NTRK2: variants seen among roughly 807,000 people sequenced by gnomAD.
The protein encoded by NTRK2 is BDNF/NT-3 growth factors receptor.
A neutral mutation model predicts 94.5 loss-of-function variants in NTRK2; 13 were observed. The ratio of observed to expected loss-of-function variants is 0.14; its 90% confidence interval spans 0.09 to 0.22. NTRK2 has a LOEUF of 0.22. Ranked by LOEUF, NTRK2 falls within the 10% of genes least tolerant of loss-of-function variation. The probability of loss-of-function intolerance (pLI) is 1.00; values close to 1 mark genes in which losing one functional copy is unlikely to be tolerated. For missense variants in NTRK2, 639 were observed against 1,071.2 expected, an observed-to-expected ratio of 0.60 and a Z score of 5.63; for synonymous variants, 372 against 407.4, an observed-to-expected ratio of 0.91 and a Z score of 1.05.
chr9:84,682,395 G>A (rs1177485826), intron 2 of NTRK2, among the ~76,000 whole-genome samples: 1 of 152,182 alleles, frequency 6.6e-6, no homozygotes, highest in Non-Finnish European at 1.5e-5. Context: ...AGTGTACCAT[G>A]AATACACTTT....
chr9:84,881,759 T>G (rs1418077167), intron 14 of NTRK2, among the ~76,000 whole-genome samples: 1 of 152,226 alleles, frequency 6.6e-6, no homozygotes, highest in Non-Finnish European at 1.5e-5. Context: ...TTGCCATGTC[T>G]GTTCAGTGTT....
intron 12 of NTRK2, among the ~76,000 whole-genome samples, chr9:84,799,581 G>A (rs529909980): frequency 1.0e-5 from 1 of 96,348 alleles, no homozygotes; most frequent in South Asian, 3.8e-4. Context: ...TACGGGTTTA[G>A]GATGGGGATT....
intron 12 of NTRK2, among the ~76,000 whole-genome samples, chr9:84,773,974 T>C (rs1253275767): frequency 6.6e-6 from 1 of 152,180 alleles, no homozygotes; most frequent in Non-Finnish European, 1.5e-5. Flanking sequence ...CTGCCAAGGT[T>C]TGTGGCTCCT....
intron 12 of NTRK2, among the ~76,000 whole-genome samples, chr9:84,840,246 A>G (rs961642634): frequency 1.4e-5 from 2 of 146,282 alleles, no homozygotes; most frequent in African/African-American, 5.1e-5. Flanking sequence ...GCATTCCAGG[A>G]CCACAATCAT....
intron 9 of NTRK2, among the ~76,000 whole-genome samples, chr9:84,732,249 A>C (rs2062942858): frequency 6.6e-6 from 1 of 152,194 alleles, no homozygotes; most frequent in South Asian, 2.1e-4. Flanking sequence ...TCAGTATGAG[A>C]GATCTTCCCT....
At chr9:84,873,536 C>A in intron 14 of NTRK2, 1 of 1,056,994 alleles carries the variant, frequency 9.5e-7, no homozygotes, top group East Asian at 5.2e-5. Flanking sequence ...AATTTGATAT[C>A]ATATTCCCTT....
intron 18 of NTRK2, 74 bp from the exon 19 acceptor site, chr9:85,021,178 T>A (rs2117989866): frequency 7.3e-7 from 1 of 1,375,432 alleles, no homozygotes; most frequent in South Asian, 1.2e-5. Context: ...TCTTCTGCTG[T>A]TTTTTTGCAC....
At position 85,001,439 on chromosome 9, in the gene NTRK2, G is replaced by A. The variant is rs576917643; in HGVS notation, c.2173-18767G>A. Among the ~76,000 whole-genome samples, 8 of 152,252 alleles carry A rather than the reference G, an allele frequency of 5.3e-5. No homozygotes were observed. The East Asian group carries it at 5.8e-4, about 11-fold the overall frequency. On this transcript the variant is annotated intron_variant, in intron 17 of 18. Coordinates refer to ENST00000277120, the MANE Select transcript of NTRK2 (RefSeq NM_006180.6). ...CCTCTCAGCTCCACCATCTTTGTCC[G>A]TCCCTTTGTGCTTCCTTTGCAGTAC...
chr9:84,843,015 C>A (rs1246794513), intron 12 of NTRK2, among the ~76,000 whole-genome samples: 4 of 152,166 alleles, frequency 2.6e-5, no homozygotes, highest in African/African-American at 9.7e-5. Flanking sequence ...CACTTTGCTT[C>A]ATTTGCTGTC....
intron 17 of NTRK2, among the ~76,000 whole-genome samples, chr9:84,998,084 TG>T (rs1588147237): frequency 1.3e-5 from 2 of 152,340 alleles, no homozygotes; most frequent in East Asian, 3.9e-4. Context: ...CTCTGAAGCC[TG>T]TACATGCTCA....
intron 17 of NTRK2, among the ~76,000 whole-genome samples, chr9:84,999,741 A>T (rs1333726888): frequency 6.6e-6 from 1 of 152,046 alleles, no homozygotes; most frequent in Non-Finnish European, 1.5e-5. Flanking sequence ...CATTGCCAAG[A>T]CTCCTGCACA....
chr9:85,002,986 G>A (rs1045567198), intron 17 of NTRK2, among the ~76,000 whole-genome samples: 5 of 152,176 alleles, frequency 3.3e-5, no homozygotes, highest in African/African-American at 1.2e-4. Flanking sequence ...AAACAGTTGG[G>A]GGACGGAGCT....
At chr9:84,800,837 A>T (rs905559100) in intron 12 of NTRK2, among the ~76,000 whole-genome samples, 1 of 152,104 alleles carries the variant, frequency 6.6e-6, no homozygotes, top group Admixed American at 6.5e-5. Flanking sequence ...CCAGGAACCT[A>T]AAGACTTCTT....
intron 17 of NTRK2, among the ~76,000 whole-genome samples, chr9:84,988,648 G>A (rs1828665079): frequency 6.6e-6 from 1 of 152,212 alleles, no homozygotes; most frequent in Non-Finnish European, 1.5e-5. Flanking sequence ...AAGTCCTAAT[G>A]AGCCTGAGCC....
chr9:84,691,856 G>T (rs2060069327), intron 2 of NTRK2, among the ~76,000 whole-genome samples: 1 of 152,162 alleles, frequency 6.6e-6, no homozygotes, highest in African/African-American at 2.4e-5. Flanking sequence ...GGCTCCCGTG[G>T]TGCCTCCAAC....
intron 14 of NTRK2, among the ~76,000 whole-genome samples, chr9:84,868,937 A>T (rs1024677865): frequency 3.9e-5 from 6 of 152,192 alleles, no homozygotes; most frequent in African/African-American, 1.4e-4. Flanking sequence ...GAGGCTGATA[A>T]AATCAACATA....
At chr9:84,944,215 T>TCTCACACACACACA (rs1440338055) in intron 15 of NTRK2, among the ~76,000 whole-genome samples, 4 of 120,332 alleles carry the variant, frequency 3.3e-5, no homozygotes, top group African/African-American at 6.7e-5. Context: ...TCTCTCTCTC[T>TCTCACACACACACA]CACACACACA....
intron 2 of NTRK2, among the ~76,000 whole-genome samples, chr9:84,694,133 T>C (rs1017447802): frequency 1.3e-5 from 2 of 152,328 alleles, no homozygotes; most frequent in South Asian, 4.1e-4. Flanking sequence ...ACAGTGGCTA[T>C]GGGCTCAGAC....
At chr9:84,982,761 C>T (rs564192223) in intron 17 of NTRK2, among the ~76,000 whole-genome samples, 7 of 152,154 alleles carry the variant, frequency 4.6e-5, no homozygotes, top group East Asian at 1.9e-4. Context: ...TTCACCTGAC[C>T]GTATCTTTTA....
Sources: allele counts gnomAD v4.1 joint callset (sites outside exome capture counted in the v4.1 genomes callset), GRCh38; gene constraint gnomAD v4.1.1; transcripts MANE v1.5; gene names NCBI Gene and HGNC (gene_info 2026-07-23, HGNC 2026-07-21).